Variants in PDE4B observed in about 807,000 individuals in gnomAD.
PDE4B encodes the protein 3',5'-cyclic-AMP phosphodiesterase 4B.
Under a neutral mutation model 82.2 loss-of-function variants are expected in PDE4B, and 20 were observed. The observed-to-expected ratio is 0.24, with a 90% confidence interval of 0.17 to 0.35. The LOEUF (loss-of-function observed/expected upper bound fraction) is 0.35, where lower values mean the gene tolerates loss of function less well. Ranked by LOEUF, PDE4B falls within the 10% of genes least tolerant of loss-of-function variation. PDE4B has a pLI of 1.00. For synonymous variants in PDE4B, 320 were observed against 318.9 expected, an observed-to-expected ratio of 1.00 and a Z score of -0.04; for missense variants, 655 against 907.2, an observed-to-expected ratio of 0.72 and a Z score of 3.57.
chr1:66,172,797 T>C (rs1172825379), intron 3 of PDE4B, among the ~76,000 whole-genome samples: 1 of 151,956 alleles, frequency 6.6e-6, no homozygotes, highest in Non-Finnish European at 1.5e-5. Context: ...TATGTATAAG[T>C]TGGCAAGCTC....
intron 3 of PDE4B, among the ~76,000 whole-genome samples, chr1:66,220,340 C>T (rs1034275825): frequency 5.3e-5 from 8 of 152,188 alleles, no homozygotes; most frequent in African/African-American, 1.2e-4. Flanking sequence ...TCCATTAGAG[C>T]GAGAAAACAT....
intron 3 of PDE4B, among the ~76,000 whole-genome samples, chr1:66,091,934 A>G (rs1645033620): frequency 6.6e-6 from 1 of 152,106 alleles, no homozygotes; most frequent in African/African-American, 2.4e-5. Context: ...TCTAATATCC[A>G]TAATATGTCA....
intron 1 of PDE4B, among the ~76,000 whole-genome samples, chr1:65,802,446 G>A (rs1294096346): frequency 6.6e-6 from 1 of 152,174 alleles, no homozygotes; most frequent in Non-Finnish European, 1.5e-5. Context: ...CTGGGAAGTT[G>A]CATCTGGTAG....
At chr1:65,832,912 G>A (rs1646098967) in intron 1 of PDE4B, among the ~76,000 whole-genome samples, 1 of 152,186 alleles carries the variant, frequency 6.6e-6, no homozygotes, top group Non-Finnish European at 1.5e-5. Flanking sequence ...CATTAGTGTT[G>A]CTCAATAATA....
chr1:66,096,983 A>G (rs1417924884), intron 3 of PDE4B, among the ~76,000 whole-genome samples: 1 of 151,934 alleles, frequency 6.6e-6, no homozygotes, highest in Admixed American at 6.6e-5. Flanking sequence ...GATATTCCAT[A>G]ATTTATTTAT....
chr1:66,210,726 CA>C (rs1649977024), intron 3 of PDE4B, among the ~76,000 whole-genome samples: 1 of 151,196 alleles, frequency 6.6e-6, no homozygotes, highest in Non-Finnish European at 1.5e-5. Context: ...GTTTGCCAAA[CA>C]GGCAGGAGCA....
At chr1:66,191,571 T>C (rs1437945508) in intron 3 of PDE4B, among the ~76,000 whole-genome samples, 1 of 152,172 alleles carries the variant, frequency 6.6e-6, no homozygotes, top group African/African-American at 2.4e-5. Context: ...GGGTTATCAA[T>C]AATGACCCTA....
chr1:65,877,437 A>G (rs903606476), intron 1 of PDE4B, among the ~76,000 whole-genome samples: 1 of 151,966 alleles, frequency 6.6e-6, no homozygotes, highest in African/African-American at 2.4e-5. Flanking sequence ...AACACGGTGA[A>G]ACTCCATCTC....
intron 4 of PDE4B, among the ~76,000 whole-genome samples, chr1:66,256,330 G>C (rs551167684): frequency 1.3e-5 from 2 of 152,078 alleles, no homozygotes; most frequent in Non-Finnish European, 2.9e-5. Context: ...TCTGTGGATC[G>C]ATGTCATTTA....
chr1:66,135,294 T>G (rs1406720849), intron 3 of PDE4B, among the ~76,000 whole-genome samples: 2 of 152,212 alleles, frequency 1.3e-5, no homozygotes, highest in African/African-American at 4.8e-5. Flanking sequence ...GAGAAATCAT[T>G]GAAGAGTTTT....
chr1:65,860,759 T>C (rs12566670), intron 1 of PDE4B, among the ~76,000 whole-genome samples: 20,464 of 152,224 alleles, frequency 0.13, 1,453 homozygotes, highest in South Asian at 0.17. Flanking sequence ...TGAGATGTTA[T>C]CTCATTGTGG....
At chr1:66,182,318 A>C (rs1387908504) in intron 3 of PDE4B, among the ~76,000 whole-genome samples, 1 of 152,110 alleles carries the variant, frequency 6.6e-6, no homozygotes, top group Non-Finnish European at 1.5e-5. Context: ...ATTTGGCTTT[A>C]TTATTGTTTT....
chr1:65,907,272 G>C (rs981337318), intron 1 of PDE4B, among the ~76,000 whole-genome samples: 1 of 152,144 alleles, frequency 6.6e-6, no homozygotes, highest in African/African-American at 2.4e-5. Context: ...TGCAAATTAA[G>C]GGGGAAAGTC....
intron 3 of PDE4B, among the ~76,000 whole-genome samples, chr1:66,082,065 G>T (rs1356235031): frequency 6.6e-6 from 1 of 152,046 alleles, no homozygotes; most frequent in African/African-American, 2.4e-5. Context: ...TATGCAGAAA[G>T]AAGTAAGAAA....
intron 9 of PDE4B, among the ~76,000 whole-genome samples, chr1:66,358,937 C>T (rs955057224): frequency 6.6e-6 from 1 of 152,104 alleles, no homozygotes; most frequent in Non-Finnish European, 1.5e-5. Context: ...GGGAGAAAGG[C>T]AGGCAGTAGA....
At chr1:65,818,141 A>C (rs1314851519) in intron 1 of PDE4B, among the ~76,000 whole-genome samples, 1 of 152,150 alleles carries the variant, frequency 6.6e-6, no homozygotes, top group African/African-American at 2.4e-5. Context: ...CTTCCAAGGG[A>C]TATTTCTAGC....
At chr1:65,860,546 C>T (rs148407036) in intron 1 of PDE4B, among the ~76,000 whole-genome samples, 1,667 of 152,180 alleles carry the variant, frequency 0.011, 36 homozygotes, top group African/African-American at 0.038. Context: ...ATATATAATC[C>T]TTTGGGTATA....
intron 3 of PDE4B, among the ~76,000 whole-genome samples, chr1:66,054,889 G>T (rs906986696): frequency 6.6e-6 from 1 of 152,068 alleles, no homozygotes; most frequent in Non-Finnish European, 1.5e-5. Context: ...CATCTCTTCA[G>T]TTTCATGACA....
chr1:65,979,666 C>T (rs745681468), intron 3 of PDE4B, among the ~76,000 whole-genome samples: 2 of 152,128 alleles, frequency 1.3e-5, no homozygotes, highest in Non-Finnish European at 2.9e-5. Context: ...GTTGAAGTGA[C>T]TGAGGATGAA....
Sources: allele counts gnomAD v4.1 joint callset (sites outside exome capture counted in the v4.1 genomes callset), GRCh38; gene constraint gnomAD v4.1.1; transcripts MANE v1.5; gene names NCBI Gene and HGNC (gene_info 2026-07-23, HGNC 2026-07-21).